Variants in TENM3 observed in about 807,000 individuals in gnomAD.
TENM3 encodes teneurin transmembrane protein 3, also known as teneurin-3.
In TENM3, 63 loss-of-function variants were observed where a neutral mutation model predicts 255.1. The ratio of observed to expected loss-of-function variants is 0.25; its 90% CI spans 0.20 to 0.30. The LOEUF is 0.30. Ranked by LOEUF, TENM3 falls within the 10% of genes least tolerant of loss-of-function variation. The pLI, the probability that TENM3 is intolerant of heterozygous loss-of-function variation, is 1.00. For synonymous variants in TENM3, 1,306 were observed against 1,322.3 expected (o/e 0.99, Z 0.27); for missense variants, 2,929 against 3,461.1 (o/e 0.85, Z 3.86).
the TENM3 span, among the ~76,000 whole-genome samples, chr4:182,088,865 C>T: frequency 4.3e-4 from 66 of 151,758 alleles, no homozygotes; most frequent in Non-Finnish European, 9.0e-4. Flanking sequence ...GAGAGACAGC[C>T]AAAGCAAAGA....
At chr4:182,006,527 G>C in the TENM3 span, among the ~76,000 whole-genome samples, 2 of 152,038 alleles carry the variant, frequency 1.3e-5, no homozygotes, top group South Asian at 4.1e-4. Context: ...GGTGTTTTTA[G>C]TATTCTCTGA....
At chr4:181,556,393 A>G in the TENM3 span, among the ~76,000 whole-genome samples, 1 of 152,146 alleles carries the variant, frequency 6.6e-6, no homozygotes, top group Non-Finnish European at 1.5e-5. Flanking sequence ...AATGTACAGT[A>G]TATCAATTTT....
At chr4:181,641,558 A>ATG in the TENM3 span, among the ~76,000 whole-genome samples, 1 of 40,072 alleles carries the variant, frequency 2.5e-5, no homozygotes, top group African/African-American at 9.0e-5. Flanking sequence ...GTGTGTGTAT[A>ATG]TATATATATA....
At chr4:181,685,688 G>A in the TENM3 span, among the ~76,000 whole-genome samples, 2 of 152,174 alleles carry the variant, frequency 1.3e-5, no homozygotes, top group Admixed American at 6.5e-5. Context: ...GCCAAAGGAC[G>A]GATGGGCACC....
At chr4:181,701,874 A>G in the TENM3 span, among the ~76,000 whole-genome samples, 7 of 152,328 alleles carry the variant, frequency 4.6e-5, no homozygotes, top group African/African-American at 1.7e-4. Context: ...TAAAGCAAGT[A>G]ATGCTACTTT....
intron 4 of TENM3, among the ~76,000 whole-genome samples, chr4:182,623,809 G>A (rs951230977): frequency 6.6e-6 from 1 of 152,014 alleles, no homozygotes; most frequent in African/African-American, 2.4e-5. Flanking sequence ...TCCTGATATT[G>A]CGGGGGTCGC....
intron 3 of TENM3, among the ~76,000 whole-genome samples, chr4:182,363,786 A>G: frequency 6.6e-6 from 1 of 152,086 alleles, no homozygotes; most frequent in East Asian, 1.9e-4. Context: ...ACTGGCTAAT[A>G]TAAAGTAATC....
At chr4:182,138,420 C>T in the TENM3 span, among the ~76,000 whole-genome samples, 2 of 152,126 alleles carry the variant, frequency 1.3e-5, no homozygotes, top group Non-Finnish European at 2.9e-5. Context: ...AAATAAGGCC[C>T]ATATGGTTAT....
chr4:181,562,678 A>AT, the TENM3 span, among the ~76,000 whole-genome samples: 745 of 143,162 alleles, frequency 5.2e-3, 2 homozygotes, highest in African/African-American at 0.012. Context: ...ATTCTTCTTA[A>AT]TTTTTTTTTT....
the TENM3 span, among the ~76,000 whole-genome samples, chr4:182,009,936 T>TGG: frequency 6.6e-6 from 1 of 151,812 alleles, no homozygotes; most frequent in Non-Finnish European, 1.5e-5. Flanking sequence ...CTCCCTTGGC[T>TGG]GGGGGGAGGG....
the TENM3 span, among the ~76,000 whole-genome samples, chr4:181,779,943 C>G: frequency 6.6e-6 from 1 of 152,204 alleles, no homozygotes; most frequent in Non-Finnish European, 1.5e-5. Context: ...CAGCTTCATC[C>G]ATGTCCCTAC....
the TENM3 span, among the ~76,000 whole-genome samples, chr4:182,125,232 G>T: frequency 2.0e-5 from 3 of 151,650 alleles, no homozygotes; most frequent in East Asian, 3.9e-4. Flanking sequence ...GCGCATCCAC[G>T]CTGTGTGTGC....
the TENM3 span, among the ~76,000 whole-genome samples, chr4:182,018,385 A>C: frequency 6.6e-6 from 1 of 152,156 alleles, no homozygotes; most frequent in Non-Finnish European, 1.5e-5. Context: ...GAAGAAAAAA[A>C]AAAATTGACT....
the TENM3 span, among the ~76,000 whole-genome samples, chr4:182,040,768 T>C: frequency 2.0e-5 from 3 of 152,218 alleles, no homozygotes; most frequent in Non-Finnish European, 4.4e-5. Context: ...AGTAATTTCT[T>C]ACTCCTTCTC....
the TENM3 span, among the ~76,000 whole-genome samples, chr4:181,902,333 T>C: frequency 6.6e-6 from 1 of 152,204 alleles, no homozygotes; most frequent in Non-Finnish European, 1.5e-5. Flanking sequence ...ATAGTTTCTT[T>C]TGCTGTGCAG....
the TENM3 span, among the ~76,000 whole-genome samples, chr4:181,836,231 T>A: frequency 6.6e-6 from 1 of 150,478 alleles, no homozygotes; most frequent in Non-Finnish European, 1.5e-5. Flanking sequence ...ATAAATTCTC[T>A]GGGTAATAGG....
At chr4:182,790,282 C>T (rs1399548606) in intron 25 of TENM3, among the ~76,000 whole-genome samples, 2 of 152,156 alleles carry the variant, frequency 1.3e-5, no homozygotes, top group African/African-American at 4.8e-5. Flanking sequence ...CACTACTCGG[C>T]AGTTACTGTT....
At chr4:182,554,191 C>T (rs1163490636) in intron 3 of TENM3, among the ~76,000 whole-genome samples, 1 of 152,154 alleles carries the variant, frequency 6.6e-6, no homozygotes, top group Non-Finnish European at 1.5e-5. Context: ...ATCTCTTCTT[C>T]ATCCTTCATC....
chr4:182,255,398 A>G (rs1758323278), intron 1 of TENM3, among the ~76,000 whole-genome samples: 1 of 152,236 alleles, frequency 6.6e-6, no homozygotes, highest in Non-Finnish European at 1.5e-5. Context: ...TCTTATTGTA[A>G]GGTAACTAAC....
Sources: allele counts gnomAD v4.1 joint callset (sites outside exome capture counted in the v4.1 genomes callset), GRCh38; gene constraint gnomAD v4.1.1; transcripts MANE v1.5; gene names NCBI Gene and HGNC (gene_info 2026-07-23, HGNC 2026-07-21).